Variants in ANKRD55 observed in about 807,000 individuals in gnomAD.
ANKRD55 encodes the protein ankyrin repeat domain 55.
Under a neutral mutation model 60.6 loss-of-function variants are expected in ANKRD55, and 41 were observed. The observed-to-expected ratio is 0.68, with a 90% CI of 0.53 to 0.88. The LOEUF (loss-of-function observed/expected upper bound fraction) is 0.88, where lower values mean the gene tolerates loss of function less well. Among genes scored for constraint, ANKRD55 ranks in the 40% least tolerant of loss-of-function variants. ANKRD55 has a pLI of 0.00. For synonymous variants in ANKRD55, 264 were observed against 290.3 expected (o/e 0.91, Z 0.92); for missense variants, 732 against 767.6 (o/e 0.95, Z 0.55).
intron 7 of ANKRD55, among the ~76,000 whole-genome samples, chr5:56,142,251 C>T (rs1405647336): frequency 1.3e-5 from 2 of 152,036 alleles, no homozygotes; most frequent in Non-Finnish European, 2.9e-5. Context: ...TTGCTTGAAC[C>T]AGGACCCGGG....
intron 7 of ANKRD55, among the ~76,000 whole-genome samples, chr5:56,136,272 T>C (rs1156386561): frequency 6.6e-6 from 1 of 152,168 alleles, no homozygotes; most frequent in Non-Finnish European, 1.5e-5. Context: ...TTCCACAGTT[T>C]ATATGGAGAG....
rs469668 is a variant in ANKRD55 at position 56,232,950 on chromosome 5, G to A, written c.-33-4C>T. ...ATGGCAAAAAGCATCCAGGTCTCTAGAGAGGAGAAAACACCATCTCAAACC... is the reference window on the plus strand; with the variant it reads ...ATGGCAAAAAGCATCCAGGTCTCTAAAGAGGAGAAAACACCATCTCAAACC... On this transcript the variant is annotated splice_polypyrimidine_tract_variant and splice_region_variant and intron_variant, in intron 1 of 11. Transcript: ENST00000341048. The A allele has an allele frequency of 3.7e-6, 6 of 1,602,912 alleles. No individual in the cohort carries two copies. The highest frequency in any genetic ancestry group is 5.1e-6 in the Non-Finnish European group (6 of 1,170,022).
intron 2 of ANKRD55, among the ~76,000 whole-genome samples, chr5:56,220,048 G>C (rs1434238462): frequency 6.6e-6 from 1 of 152,228 alleles, no homozygotes; most frequent in Non-Finnish European, 1.5e-5. Flanking sequence ...GCTGAGCTGA[G>C]GGAGAGCCTC....
At chr5:56,119,339 T>C (rs1756972988) in intron 8 of ANKRD55, among the ~76,000 whole-genome samples, 1 of 152,174 alleles carries the variant, frequency 6.6e-6, no homozygotes, top group South Asian at 2.1e-4. Flanking sequence ...TCTCAAAGGA[T>C]GACCTACTGT....
At chr5:56,176,973 G>A (rs1758750488) in intron 3 of ANKRD55, among the ~76,000 whole-genome samples, 2 of 152,282 alleles carry the variant, frequency 1.3e-5, no homozygotes, top group South Asian at 4.1e-4. Flanking sequence ...GTCGAGACTT[G>A]TGTAGATGTC....
chr5:56,119,504 G>T (rs1756976852), intron 8 of ANKRD55, among the ~76,000 whole-genome samples: 1 of 152,182 alleles, frequency 6.6e-6, no homozygotes, highest in South Asian at 2.1e-4. Context: ...AATTCTGTTT[G>T]TGGTGGTAAC....
intron 2 of ANKRD55, among the ~76,000 whole-genome samples, chr5:56,211,379 C>T (rs151027779): frequency 6.2e-4 from 94 of 152,294 alleles, no homozygotes; most frequent in African/African-American, 2.0e-3. Flanking sequence ...TGTGTAAGCA[C>T]TTCCTAGAAA....
At chr5:56,166,924 C>T (rs1457364799) in intron 5 of ANKRD55, among the ~76,000 whole-genome samples, 7 of 152,158 alleles carry the variant, frequency 4.6e-5, no homozygotes, top group South Asian at 2.1e-4. Context: ...GGCTTCTCAA[C>T]GGAGACCAAG....
chr5:56,112,755 C>T (rs1015653439), intron 9 of ANKRD55, among the ~76,000 whole-genome samples: 3 of 152,140 alleles, frequency 2.0e-5, no homozygotes, highest in South Asian at 2.1e-4. Context: ...ATGCTTTCTG[C>T]GGTATGAATT....
intron 2 of ANKRD55, among the ~76,000 whole-genome samples, chr5:56,200,279 G>A (rs1439771549): frequency 6.6e-6 from 1 of 151,884 alleles, no homozygotes; most frequent in Non-Finnish European, 1.5e-5. Context: ...TATGTATTTT[G>A]CTAATTCTGA....
In ANKRD55 at chr5:56,233,030, G is replaced by C. The variant is rs114620249; in HGVS notation, c.-33-84C>G. Reference sequence around the variant, plus strand: ...ATCGTTTGCCAAGACCTCTGTTTCAGGATTAAATGTGCATCAGAGCTGCAG... The same window carrying C: ...ATCGTTTGCCAAGACCTCTGTTTCACGATTAAATGTGCATCAGAGCTGCAG... On this transcript the variant is annotated intron_variant, in intron 1 of 11. Transcript: ENST00000341048. The C allele has an allele frequency of 4.6e-4, 424 of 912,090 alleles. 3 individuals carry two copies. In the African/African-American group the frequency reaches 6.2e-3, roughly 13 times the overall value. 56.5% of individuals were successfully genotyped at this position (912,090 alleles called of 1,614,324 possible). A position where few individuals can be genotyped will look rare whatever the true frequency, so the allele number is the denominator to read the frequency against.
In ANKRD55 at chr5:56,135,292, T is replaced by TGCCTGCC. The variant is rs1323430580; in HGVS notation, c.613-8187_613-8186insGGCAGGC. Among the ~76,000 whole-genome samples the TGCCTGCC allele has an allele frequency of 9.3e-3, 766 of 82,506 alleles. 23 individuals carry two copies. Among genetic ancestry groups the TGCCTGCC allele is most frequent in the South Asian group, 0.016 (39 of 2,364 alleles). The allele number at this position is 82,506 out of a possible 152,430, so 54.1% of individuals were successfully genotyped here. ...CCTCCCTCCCTCCCTGCCTGCCTGC[T>TGCCTGCC]TGCTTTCTTTCTTTCTTTCTTTCTT... On this transcript the variant is annotated intron_variant, in intron 7 of 11. Transcript: ENST00000341048.
chr5:56,192,861 A>G, intron 2 of ANKRD55: 1 of 673,866 alleles, frequency 1.5e-6, no homozygotes, highest in Non-Finnish European at 2.6e-6. Context: ...AAAAAGGCCA[A>G]ACATGTCAAA....
chr5:56,125,453 G>A (rs992731115), intron 8 of ANKRD55, among the ~76,000 whole-genome samples: 16 of 151,744 alleles, frequency 1.1e-4, no homozygotes, highest in African/African-American at 3.9e-4. Context: ...GCTAATTTTT[G>A]TATTTTCAGT....
chr5:56,121,224 G>A (rs903863750), intron 8 of ANKRD55, among the ~76,000 whole-genome samples: 1 of 152,028 alleles, frequency 6.6e-6, no homozygotes, highest in Non-Finnish European at 1.5e-5. Context: ...GGGGTGGGGG[G>A]CTTTAAAAGA....
chr5:56,202,491 C>G (rs1354186500), intron 2 of ANKRD55, among the ~76,000 whole-genome samples: 1 of 152,158 alleles, frequency 6.6e-6, no homozygotes, highest in Non-Finnish European at 1.5e-5. Flanking sequence ...TCCAGTCCCT[C>G]AGGGTGTATT....
At chr5:56,178,697 T>C (rs1334770101) in intron 3 of ANKRD55, among the ~76,000 whole-genome samples, 1 of 152,032 alleles carries the variant, frequency 6.6e-6, no homozygotes, top group Non-Finnish European at 1.5e-5. Context: ...GTATAAAACT[T>C]ACTGGGTGAC....
At chr5:56,183,401 G>T in intron 3 of ANKRD55, 111 bp downstream of exon 3, 1 of 1,384,992 alleles carries the variant, frequency 7.2e-7, no homozygotes, top group Non-Finnish European at 9.9e-7. Context: ...CATAGGCACA[G>T]TATCAAAATG....
At position 56,111,745 on chromosome 5, in the gene ANKRD55, G is replaced by A. The variant is rs199610369; in HGVS notation, c.1003C>T (p.Arg335Trp). The A allele has an allele frequency of 1.6e-4, 245 of 1,515,148 alleles. No individual in the cohort carries two copies. The highest frequency in any genetic ancestry group is 3.7e-4 in the Middle Eastern group (2 of 5,442). The allele number at this position is 1,515,148 out of a possible 1,614,324, so 93.9% of individuals were successfully genotyped here. ...PTRPPPSQSS[R>W]PQKKERRFNV... ...AACCGTCTCTCCTTCTTCTGGGGCC[G>A]ACTGCTCTGGGAGGGAGGGGGTCGA... The change falls in exon 10 of 12, where the codon CGG (arginine) becomes TGG (tryptophan). Residue 335 changes from arginine (R) to tryptophan (W), a missense_variant. By Grantham distance (101) the Arg-to-Trp change is moderately radical. Transcript: ENST00000341048.
Sources: gnomAD v4.1 joint callset for allele counts (sites outside exome capture counted in the v4.1 genomes callset) on GRCh38, gnomAD v4.1.1 for gene constraint, MANE v1.5 for transcripts, NCBI Gene and HGNC (gene_info 2026-07-23, HGNC 2026-07-21) for gene names.